The following ABRAXAS2 variants were observed in gnomAD, a reference collection of about 807,000 sequenced individuals.
ABRAXAS2 encodes abraxas 2, BRISC complex subunit, also known as BRISC complex subunit Abraxas 2.
In ABRAXAS2, 23 loss-of-function variants were observed where a neutral mutation model predicts 49.0. The ratio of observed to expected loss-of-function variants is 0.47; its 90% CI spans 0.34 to 0.66. The LOEUF (loss-of-function observed/expected upper bound fraction) is 0.66. Ranked by LOEUF, ABRAXAS2 falls within the 30% of genes least tolerant of loss-of-function variation. The pLI is 0.01. For missense variants in ABRAXAS2, 443 were observed against 511.9 expected (o/e 0.87, Z 1.30); for synonymous variants, 168 against 180.2 (o/e 0.93, Z 0.54).
chr10:124,805,704 C>G (rs923072087), intron 1 of ABRAXAS2, among the ~76,000 whole-genome samples: 4 of 152,158 alleles, frequency 2.6e-5, no homozygotes, highest in Non-Finnish European at 5.9e-5. Flanking sequence ...GGCAGAGTGC[C>G]TGGCAGATGC....
chr10:124,820,509 T>C (rs919540672), intron 4 of ABRAXAS2, among the ~76,000 whole-genome samples: 1 of 151,988 alleles, frequency 6.6e-6, no homozygotes, highest in Non-Finnish European at 1.5e-5. Context: ...TGAGATGGAG[T>C]CTGGCTCTGT....
At chr10:124,833,100 C>G (rs912274659) in intron 8 of ABRAXAS2, among the ~76,000 whole-genome samples, 1 of 143,628 alleles carries the variant, frequency 7.0e-6, no homozygotes, top group Non-Finnish European at 1.5e-5. Flanking sequence ...GAGCTGAGAT[C>G]ACACCACTGC....
chr10:124,809,499 T>G (rs144338031), intron 2 of ABRAXAS2, among the ~76,000 whole-genome samples: 1,791 of 151,738 alleles, frequency 0.012, 25 homozygotes, highest in Admixed American at 0.048. Flanking sequence ...TTGGTCGGGC[T>G]AGTCTCGAAC....
intron 1 of ABRAXAS2, among the ~76,000 whole-genome samples, chr10:124,803,683 C>A (rs973370895): frequency 2.0e-5 from 3 of 152,168 alleles, no homozygotes; most frequent in Non-Finnish European, 4.4e-5. Flanking sequence ...GGGCAGATCA[C>A]CTGAGGTCAG....
rs73369372 is a variant in ABRAXAS2 at position 124,831,476 on chromosome 10, T to C, written c.778+13T>C. The C allele has an allele frequency of 1.1e-3, 1,519 of 1,400,210 alleles. 12 individuals are homozygous for C. In the African/African-American group the frequency reaches 0.019, roughly 18 times the overall value. 86.7% of individuals were successfully genotyped at this position (1,400,210 alleles called of 1,614,324 possible). A position where few individuals can be genotyped will look rare whatever the true frequency, so the allele number is the denominator to read the frequency against. ...GAACAAGAAAGAAGTAAGTTTCTTA[T>C]TAATTTTACCATTCAGTATCAGGGA... On this transcript the variant is annotated intron_variant, in intron 8 of 8. Coordinates refer to ENST00000298492, the MANE Select transcript of ABRAXAS2 (RefSeq NM_032182.4).
chr10:124,831,390 A>G lies in ABRAXAS2; in HGVS notation c.705A>G (p.Glu235=), dbSNP rs1950931515. 6.2e-7 allele frequency: 1 copy of G among 1,613,478 alleles called. No homozygotes were observed. The highest frequency in any genetic ancestry group is 8.5e-7 in the Non-Finnish European group (1 of 1,179,580). Residue 235 remains glutamate, a synonymous_variant, in exon 8 of 9, where the codon GAA becomes GAG. Coordinates refer to ENST00000298492, the MANE Select transcript of ABRAXAS2 (RefSeq NM_032182.4). The stretch of plus-strand genomic sequence containing the variant: ...TTGAAAAGAGTGAGCGAGTTGTTGA[A>G]TCTTGTCAGGCAGAAGTGAACAAAT... ...ADVEKSERVV[E]SCQAEVNKLR...
rs532401001 is a variant in ABRAXAS2 at position 124,826,992 on chromosome 10, G to A, written c.458+207G>A. Among the ~76,000 whole-genome samples, 10 of 151,414 alleles carry A rather than the reference G, an allele frequency of 6.6e-5. No homozygotes were observed. The South Asian group carries it at 2.1e-3, about 32-fold the overall frequency. ...GGCTGTATTCCCAGCTACTCGGGAG[G>A]CTGAGGCAGAAGAATCGCTTGAACC... On this transcript the variant is annotated intron_variant, in intron 5 of 8. Coordinates refer to ENST00000298492, the MANE Select transcript of ABRAXAS2 (RefSeq NM_032182.4).
At position 124,810,130 on chromosome 10, in the gene ABRAXAS2, C is replaced by T. The variant is rs966315465; in HGVS notation, c.163+3209C>T. Among the ~76,000 whole-genome samples, 6 of 152,066 alleles carry T rather than the reference C, an allele frequency of 3.9e-5. No homozygotes were observed. The East Asian group carries it at 1.2e-3, about 29-fold the overall frequency. ...ATTTTATGTGTGGACCAAGACAATT[C>T]TTCTTCCAATGTGGCCCAGGGAAGC... On this transcript the variant is annotated intron_variant, in intron 2 of 8. Transcript: ENST00000298492.
intron 4 of ABRAXAS2, among the ~76,000 whole-genome samples, chr10:124,821,256 C>T (rs1950859459): frequency 1.3e-5 from 2 of 151,510 alleles, no homozygotes; most frequent in East Asian, 2.0e-4. Flanking sequence ...CGACCATGAA[C>T]AGGAAATTCA....
At chr10:124,815,410 G>A (rs983920329) in intron 2 of ABRAXAS2, among the ~76,000 whole-genome samples, 1 of 152,000 alleles carries the variant, frequency 6.6e-6, no homozygotes, top group Non-Finnish European at 1.5e-5. Context: ...TAGCCAGGAT[G>A]GTCTCGATCT....
At chr10:124,806,982 TTTG>T in intron 2 of ABRAXAS2, 61 bp downstream of exon 2, 1 of 1,276,180 alleles carries the variant, frequency 7.8e-7, no homozygotes, top group Non-Finnish European at 1.1e-6. Flanking sequence ...TAATGTTTGT[TTTG>T]TTGTTTTGCC....
At chr10:124,812,507 G>C (rs941461752) in intron 2 of ABRAXAS2, among the ~76,000 whole-genome samples, 4 of 152,168 alleles carry the variant, frequency 2.6e-5, no homozygotes, top group Admixed American at 2.0e-4. Context: ...GCTAGGCATG[G>C]TGGCACACAC....
At chr10:124,818,419 T>C (rs1222208337) in intron 3 of ABRAXAS2, among the ~76,000 whole-genome samples, 1 of 149,460 alleles carries the variant, frequency 6.7e-6, no homozygotes, top group Non-Finnish European at 1.5e-5. Context: ...AAAAAAAAGA[T>C]TAGACTCAGT....
chr10:124,807,056 TA>T lies in ABRAXAS2; in HGVS notation c.163+137del, dbSNP rs534022432. On this transcript the variant is annotated intron_variant, in intron 2 of 8. Coordinates refer to ENST00000298492, the MANE Select transcript of ABRAXAS2 (RefSeq NM_032182.4). ...TGCCAGGCGCGGTGGCTCACGCCTG[TA>T]ATCCCAGCACTTTGGGAGGCCGAGG... 2.1e-3 allele frequency: 1,281 copies of T among 599,516 alleles called. 16 individuals carry two copies. In the African/African-American group the frequency reaches 0.023, roughly 11 times the overall value. 37.1% of individuals were successfully genotyped at this position (599,516 alleles called of 1,614,324 possible). A position where few individuals can be genotyped will look rare whatever the true frequency, so the allele number is the denominator to read the frequency against.
intron 1 of ABRAXAS2, among the ~76,000 whole-genome samples, chr10:124,805,520 C>T (rs1402561741): frequency 6.6e-6 from 1 of 152,190 alleles, no homozygotes; most frequent in African/African-American, 2.4e-5. Flanking sequence ...AGTGAGGCAC[C>T]TACTAAGTGT....
In ABRAXAS2 at chr10:124,834,603, A is replaced by G; in HGVS notation, c.880A>G (p.Ser294Gly). 7 of 1,614,202 alleles carry G rather than the reference A, an allele frequency of 4.3e-6. No homozygotes were observed. The highest frequency in any genetic ancestry group is 5.9e-6 in the Non-Finnish European group (7 of 1,180,024). Residue 294 changes from serine to glycine, a missense_variant, in exon 9 of 9, where the codon AGT becomes GGT. Physicochemically the swap from Ser to Gly is moderately conservative, Grantham distance 56 (BLOSUM62 0). Transcript: ENST00000298492. ...PSSGFAAEGR[S>G]TLGDAEASDP... Reference sequence around the variant, plus strand: ...CTCTGGGTTTGCAGCTGAAGGCAGAAGTACACTTGGAGATGCAGAGGCCTC... The same window carrying G: ...CTCTGGGTTTGCAGCTGAAGGCAGAGGTACACTTGGAGATGCAGAGGCCTC...
chr10:124,826,571 C>T (rs1235098569), intron 4 of ABRAXAS2, 24 bp from the exon 5 acceptor site: 5 of 1,596,916 alleles, frequency 3.1e-6, no homozygotes, highest in Non-Finnish European at 3.4e-6. Flanking sequence ...AGATTTCATG[C>T]AACTTTTCAC....
chr10:124,804,433 G>C (rs1044735310), intron 1 of ABRAXAS2, among the ~76,000 whole-genome samples: 3 of 152,200 alleles, frequency 2.0e-5, no homozygotes, highest in African/African-American at 7.2e-5. Flanking sequence ...ACCCAGTGCT[G>C]TAGAATACTA....
At chr10:124,805,378 C>T (rs1269690847) in intron 1 of ABRAXAS2, among the ~76,000 whole-genome samples, 2 of 152,064 alleles carry the variant, frequency 1.3e-5, no homozygotes, top group Non-Finnish European at 2.9e-5. Flanking sequence ...TTCCCCACTC[C>T]CATAGATTCT....
Sources: gnomAD v4.1 joint callset for allele counts (sites outside exome capture counted in the v4.1 genomes callset) on GRCh38, gnomAD v4.1.1 for gene constraint, MANE v1.5 for transcripts, NCBI Gene and HGNC (gene_info 2026-07-23, HGNC 2026-07-21) for gene names.